The following TMEM132C variants were observed in gnomAD, a reference collection of about 807,000 sequenced individuals.
TMEM132C encodes the protein transmembrane protein 132C.
TMEM132C carries 29 observed loss-of-function variants against 61.4 expected under a neutral mutation model. The ratio of observed to expected loss-of-function variants is 0.47; its 90% CI spans 0.35 to 0.64. The LOEUF (loss-of-function observed/expected upper bound fraction) is 0.64, where lower values mean the gene tolerates loss of function less well. Among genes scored for constraint, TMEM132C ranks in the 30% least tolerant of loss-of-function variants. The probability of loss-of-function intolerance (pLI) is 0.00; values close to 1 mark genes in which losing one functional copy is unlikely to be tolerated. For synonymous variants in TMEM132C, 656 were observed against 633.1 expected, an observed-to-expected ratio of 1.04 and a Z score of -0.54; for missense variants, 1,408 against 1,476.9, an observed-to-expected ratio of 0.95 and a Z score of 0.76.
At chr12:128,452,590 A>AG (rs1870213262) in intron 2 of TMEM132C, among the ~76,000 whole-genome samples, 1 of 118,084 alleles carries the variant, frequency 8.5e-6, no homozygotes. Flanking sequence ...GGGGGGTTGT[A>AG]GGGGGCCGGG....
chr12:128,540,773 G>A (rs1281484426), intron 2 of TMEM132C, among the ~76,000 whole-genome samples: 1 of 152,122 alleles, frequency 6.6e-6, no homozygotes, highest in Non-Finnish European at 1.5e-5. Context: ...TGAGTGAGCA[G>A]TTCTGCAGCA....
chr12:128,642,550 A>T (rs1467802422), intron 4 of TMEM132C, among the ~76,000 whole-genome samples: 1 of 151,986 alleles, frequency 6.6e-6, no homozygotes, highest in Non-Finnish European at 1.5e-5. Context: ...TTCATGCAAG[A>T]CCTGGTTGTT....
At chr12:128,693,593 C>T (rs1566017097) in intron 5 of TMEM132C, among the ~76,000 whole-genome samples, 2 of 152,182 alleles carry the variant, frequency 1.3e-5, no homozygotes, top group South Asian at 2.1e-4. Context: ...CTAAAAAATG[C>T]ACCTTCCTAT....
chr12:128,297,395 A>G (rs541799304), intron 1 of TMEM132C, among the ~76,000 whole-genome samples: 2 of 152,298 alleles, frequency 1.3e-5, no homozygotes, highest in African/African-American at 4.8e-5. Flanking sequence ...TTAAAGTCAT[A>G]AATGGATTAT....
At chr12:128,272,043 G>T (rs56125745) in intron 1 of TMEM132C, among the ~76,000 whole-genome samples, 5 of 152,084 alleles carry the variant, frequency 3.3e-5, no homozygotes, top group Non-Finnish European at 7.4e-5. Flanking sequence ...TTATTAAAGT[G>T]TAATTTGCAC....
intron 2 of TMEM132C, among the ~76,000 whole-genome samples, chr12:128,494,130 C>A (rs1027461605): frequency 6.6e-6 from 1 of 152,140 alleles, no homozygotes; most frequent in East Asian, 1.9e-4. Context: ...GTCTTTGGTT[C>A]TGTTTATATG....
intron 3 of TMEM132C, among the ~76,000 whole-genome samples, chr12:128,587,297 C>G (rs570643476): frequency 6.6e-4 from 101 of 152,298 alleles, no homozygotes; most frequent in African/African-American, 2.4e-3. Context: ...GAGCAAAGTG[C>G]CAGGACATTC....
chr12:128,433,018 TAAATAAATA>T (rs1869446069), intron 2 of TMEM132C, among the ~76,000 whole-genome samples: 1 of 146,506 alleles, frequency 6.8e-6, no homozygotes, highest in South Asian at 2.1e-4. Context: ...AATAAATAAA[TAAATAAATA>T]AATAAATAAA....
intron 1 of TMEM132C, among the ~76,000 whole-genome samples, chr12:128,318,582 C>T (rs1400048813): frequency 6.6e-6 from 1 of 152,196 alleles, no homozygotes; most frequent in African/African-American, 2.4e-5. Flanking sequence ...ATTAGGAAAA[C>T]TATCATCCAT....
chr12:128,560,691 C>G (rs761909861), intron 3 of TMEM132C, among the ~76,000 whole-genome samples: 8 of 152,184 alleles, frequency 5.3e-5, no homozygotes, highest in Non-Finnish European at 1.2e-4. Context: ...CTATCGCCCT[C>G]ACGTCTGTGT....
At chr12:128,641,365 C>T (rs1954156867) in intron 4 of TMEM132C, among the ~76,000 whole-genome samples, 1 of 152,162 alleles carries the variant, frequency 6.6e-6, no homozygotes. Flanking sequence ...CTTAACACCA[C>T]GTACCTGTAA....
In TMEM132C at chr12:128,686,087, GT is replaced by G. The variant is rs1566014974; in HGVS notation, c.1450-7740del. The stretch of plus-strand genomic sequence containing the variant: ...TGTGCATGCGTGTGTGCGCATGTGT[GT>G]TGTGTGCGCATGTGTGTGCATGTGT... On this transcript the variant is annotated intron_variant, in intron 5 of 8. Transcript: ENST00000435159. Among the ~76,000 whole-genome samples the G allele has an allele frequency of 1.9e-4, 27 of 138,958 alleles. 1 individual carries two copies. In the South Asian group the frequency reaches 2.6e-3, roughly 13 times the overall value. 91.2% of individuals were successfully genotyped at this position (138,958 alleles called of 152,430 possible). A position where few individuals can be genotyped will look rare whatever the true frequency, so the allele number is the denominator to read the frequency against.
intron 1 of TMEM132C, among the ~76,000 whole-genome samples, chr12:128,338,933 G>T (rs138699159): frequency 6.6e-5 from 10 of 151,990 alleles, no homozygotes; most frequent in African/African-American, 2.4e-4. Flanking sequence ...TTGTAAAGAC[G>T]TTGGGTTGGC....
At chr12:128,308,243 C>G (rs2135924643) in intron 1 of TMEM132C, among the ~76,000 whole-genome samples, 1 of 152,316 alleles carries the variant, frequency 6.6e-6, no homozygotes, top group Admixed American at 6.5e-5. Context: ...CTGGACTTCC[C>G]CCTTGCAGGA....
chr12:128,439,896 G>A (rs938446809), intron 2 of TMEM132C, among the ~76,000 whole-genome samples: 4 of 152,176 alleles, frequency 2.6e-5, no homozygotes, highest in Admixed American at 6.5e-5. Flanking sequence ...AGCCTCCTTC[G>A]AGAATGGTCA....
chr12:128,319,948 AGG>A (rs1872275903), intron 1 of TMEM132C, among the ~76,000 whole-genome samples: 1 of 152,128 alleles, frequency 6.6e-6, no homozygotes, highest in East Asian at 1.9e-4. Flanking sequence ...GGACATTTCC[AGG>A]TGATGAAATT....
chr12:128,411,398 G>A (rs1868541978), intron 1 of TMEM132C, among the ~76,000 whole-genome samples: 1 of 152,264 alleles, frequency 6.6e-6, no homozygotes, highest in Non-Finnish European at 1.5e-5. Flanking sequence ...CTGTCGCTTC[G>A]ATCTGACTTT....
chr12:128,503,341 G>T (rs1055326853), intron 2 of TMEM132C, among the ~76,000 whole-genome samples: 1 of 150,994 alleles, frequency 6.6e-6, no homozygotes, highest in Non-Finnish European at 1.5e-5. Flanking sequence ...TTAAGTGTAG[G>T]CGAGGAGCCG....
In TMEM132C at chr12:128,629,656, G is replaced by A. The variant is rs114697464; in HGVS notation, c.1305+13321G>A. Among the ~76,000 whole-genome samples, 1,070 of 152,106 alleles carry A rather than the reference G, an allele frequency of 7.0e-3. 13 individuals carry two copies. The highest frequency in any genetic ancestry group is 0.024 in the African/African-American group (1,016 of 41,510). On this transcript the variant is annotated intron_variant, in intron 4 of 8. Transcript: ENST00000435159. ...AGTCCCCAGAGATCTGCCTGTAGTC[G>A]ACAACACTGAATTCTGCATTTTAAA...
Sources: gnomAD v4.1 joint callset for allele counts (sites outside exome capture counted in the v4.1 genomes callset) on GRCh38, gnomAD v4.1.1 for gene constraint, MANE v1.5 for transcripts, NCBI Gene and HGNC (gene_info 2026-07-23, HGNC 2026-07-21) for gene names.